RELCH: variants seen among roughly 807,000 people sequenced by gnomAD.
RELCH encodes the protein RAB11 binding and LisH domain, coiled-coil and HEAT repeat containing.
In RELCH, 41 loss-of-function variants were observed where a neutral mutation model predicts 150.3. The observed-to-expected ratio is 0.27, with a 90% CI of 0.21 to 0.35. The LOEUF (loss-of-function observed/expected upper bound fraction) is 0.35, where lower values mean the gene tolerates loss of function less well. Ranked by LOEUF, RELCH falls within the 10% of genes least tolerant of loss-of-function variation. RELCH has a pLI of 1.00. For missense variants in RELCH, 1,092 were observed against 1,467.8 expected, an observed-to-expected ratio of 0.74 and a Z score of 4.18; for synonymous variants, 478 against 531.8, an observed-to-expected ratio of 0.90 and a Z score of 1.39.
chr18:62,298,824 A>G lies in RELCH; in HGVS notation c.3494A>G (p.Gln1165Arg), dbSNP rs2045536969. ...ILSSMIKECE[Q>R]KVENKTVQEP... ...AGTTCCATGATAAAAGAATGTGAAC[A>G]AAAAGTTGAAAACAAGACCGTCCAA... Residue 1165 changes from glutamine to arginine, a missense_variant, in exon 28 of 29, where the codon CAA becomes CGA. Coordinates refer to ENST00000644646, the MANE Select transcript of RELCH (RefSeq NM_001346231.2). 1 of 1,591,330 alleles carries G rather than the reference A, an allele frequency of 6.3e-7. No homozygotes were observed. Among genetic ancestry groups the G allele is most frequent in the Non-Finnish European group, 8.6e-7 (1 of 1,163,266 alleles).
chr18:62,271,044 A>G (rs1365938051), intron 20 of RELCH, among the ~76,000 whole-genome samples: 1 of 152,228 alleles, frequency 6.6e-6, no homozygotes, highest in Admixed American at 6.5e-5. Flanking sequence ...TAGTGCCGCA[A>G]TAAACATACG....
Position 62,236,261 on chromosome 18 carries a change from C to T in RELCH, c.1620+3834C>T, listed in dbSNP as rs368147110. ...CTGTCATATGCCTGCATTATTTATA[C>T]ATTGCCTGATTTTATGTTAAACCAC... On this transcript the variant is annotated intron_variant, in intron 10 of 28. Coordinates refer to ENST00000644646, the MANE Select transcript of RELCH (RefSeq NM_001346231.2). 1.6e-4 allele frequency among the ~76,000 whole-genome samples: 24 copies of T among 152,028 alleles called. 1 individual carries two copies. Among genetic ancestry groups the T allele is most frequent in the Middle Eastern group, 6.8e-3 (2 of 294 alleles).
intron 1 of RELCH, among the ~76,000 whole-genome samples, chr18:62,189,249 G>T (rs199700391): frequency 7.4e-6 from 1 of 135,202 alleles, no homozygotes; most frequent in Admixed American, 7.6e-5. Context: ...GTGGTGGTGG[G>T]TCTTTTTTTG....
intron 16 of RELCH, among the ~76,000 whole-genome samples, chr18:62,263,157 C>G (rs758670063): frequency 7.2e-5 from 11 of 151,984 alleles, no homozygotes; most frequent in Non-Finnish European, 1.6e-4. Flanking sequence ...CAAATAAGAT[C>G]CCATTCTGAG....
At chr18:62,264,702 C>G in intron 17 of RELCH, 27 bp from the exon 18 acceptor site, 5 of 1,532,272 alleles carry the variant, frequency 3.3e-6, no homozygotes, top group Non-Finnish European at 4.5e-6. Flanking sequence ...GTATCCCCTG[C>G]CTATTTTTCT....
At chr18:62,256,962 C>T (rs981317917) in intron 13 of RELCH, among the ~76,000 whole-genome samples, 3 of 151,984 alleles carry the variant, frequency 2.0e-5, no homozygotes, top group Non-Finnish European at 4.4e-5. Flanking sequence ...TTAAGATATG[C>T]TAAAATTGCA....
Position 62,291,482 on chromosome 18 carries a change from G to C in RELCH, c.3371-61G>C, listed in dbSNP as rs878904052. On this transcript the variant is annotated intron_variant, in intron 26 of 28. Coordinates refer to ENST00000644646, the MANE Select transcript of RELCH (RefSeq NM_001346231.2). ...CTTCTCTTTTATATGTAGTAACTCG[G>C]TTGTTCTGTTGGACATACCAATTTG... 39 of 919,860 alleles carry C rather than the reference G, an allele frequency of 4.2e-5. No individual in the cohort carries two copies. In the South Asian group the frequency reaches 5.5e-4, roughly 13 times the overall value. 57.0% of individuals were successfully genotyped at this position (919,860 alleles called of 1,614,324 possible). A position where few individuals can be genotyped will look rare whatever the true frequency, so the allele number is the denominator to read the frequency against.
At chr18:62,277,311 A>T (rs1458982618) in intron 22 of RELCH, among the ~76,000 whole-genome samples, 1 of 152,118 alleles carries the variant, frequency 6.6e-6, no homozygotes, top group African/African-American at 2.4e-5. Context: ...GTTGTTGATG[A>T]ACTTCTGGAT....
At chr18:62,282,967 G>C (rs970816264) in intron 25 of RELCH, among the ~76,000 whole-genome samples, 9 of 152,100 alleles carry the variant, frequency 5.9e-5, no homozygotes, top group Non-Finnish European at 1.3e-4. Flanking sequence ...CTAGTGGATG[G>C]TCTTATACTG....
At chr18:62,256,730 G>A (rs1465103264) in intron 13 of RELCH, among the ~76,000 whole-genome samples, 1 of 151,996 alleles carries the variant, frequency 6.6e-6, no homozygotes, top group Non-Finnish European at 1.5e-5. Context: ...TGGGGTCCCT[G>A]TGGCATACTA....
At position 62,228,843 on chromosome 18, in the gene RELCH, G is replaced by A. The variant is rs2041376902; in HGVS notation, c.1448+245G>A. Among the ~76,000 whole-genome samples the A allele has an allele frequency of 2.0e-5, 3 of 152,056 alleles. No individual in the cohort carries two copies. The South Asian group carries it at 6.2e-4, about 32-fold the overall frequency. Reference sequence around the variant, plus strand: ...ATGAGCTAGGTTCTATCTTAGCTAAGTATTTAAACCCATAACTAATATGTT... The same window carrying A: ...ATGAGCTAGGTTCTATCTTAGCTAAATATTTAAACCCATAACTAATATGTT... On this transcript the variant is annotated intron_variant, in intron 8 of 28. Transcript: ENST00000644646.
chr18:62,237,620 T>C (rs1298617319), intron 10 of RELCH, among the ~76,000 whole-genome samples: 1 of 151,852 alleles, frequency 6.6e-6, no homozygotes, highest in Non-Finnish European at 1.5e-5. Context: ...GTAAAAAAGA[T>C]GTTTTACATC....
At chr18:62,200,964 CTTTTTTTTTTTT>C (rs543882947) in intron 1 of RELCH, among the ~76,000 whole-genome samples, 111 of 55,014 alleles carry the variant, frequency 2.0e-3, no homozygotes, top group Admixed American at 4.3e-3. Flanking sequence ...TTTTTCTTTG[CTTTTTTTTTTTT>C]TTTTTTTTTT....
chr18:62,302,650 G>A lies in RELCH; in HGVS notation c.3531-2764G>A, dbSNP rs150015662. ...ATTCTCCTGCCTTAGCCTCCCTCCC[G>A]AGTAGCTGGGATTACAGGCGTGCAC... On this transcript the variant is annotated intron_variant, in intron 28 of 28. Transcript: ENST00000644646. Among the ~76,000 whole-genome samples the A allele has an allele frequency of 1.9e-4, 29 of 152,068 alleles. No individual in the cohort carries two copies. In the East Asian group the frequency reaches 3.1e-3, roughly 16 times the overall value.
intron 27 of RELCH, among the ~76,000 whole-genome samples, chr18:62,295,319 T>TG (rs919512680): frequency 6.0e-5 from 6 of 100,752 alleles, no homozygotes; most frequent in African/African-American, 2.5e-4. Flanking sequence ...GCCTGGTGTG[T>TG]TTTTTTTTTT....
chr18:62,282,526 T>A, intron 25 of RELCH, 82 bp downstream of exon 25: 2 of 1,428,362 alleles, frequency 1.4e-6, no homozygotes, highest in Non-Finnish European at 1.9e-6. Flanking sequence ...TGTCATGTAT[T>A]AAAATTTTGG....
At position 62,252,752 on chromosome 18, in the gene RELCH, C is replaced by A; in HGVS notation, c.1822C>A (p.Gln608Lys). The A allele has an allele frequency of 1.2e-6, 2 of 1,610,262 alleles. No individual in the cohort carries two copies. The highest frequency in any genetic ancestry group is 1.7e-6 in the Non-Finnish European group (2 of 1,176,596). Residue 608 changes from glutamine to lysine, a missense_variant and splice_region_variant, in exon 12 of 29, where the codon CAG becomes AAG. By Grantham distance (53) the Gln-to-Lys change is moderately conservative. Coordinates refer to ENST00000644646, the MANE Select transcript of RELCH (RefSeq NM_001346231.2). ...EAELLPQCWE[Q>K]INHKYPERRL... ...TGAACTTTTACCACAGTGTTGGGAA[C>A]AGGTAAATAACTGTATTGAGTTTTC...
chr18:62,228,727 G>A, intron 8 of RELCH, 129 bp downstream of exon 8: 1 of 665,690 alleles, frequency 1.5e-6, no homozygotes, highest in Non-Finnish European at 2.4e-6. Flanking sequence ...TATTTGACAT[G>A]AACTTAACAC....
At chr18:62,199,205 C>T (rs1181596951) in intron 1 of RELCH, among the ~76,000 whole-genome samples, 1 of 151,528 alleles carries the variant, frequency 6.6e-6, no homozygotes, top group Non-Finnish European at 1.5e-5. Context: ...TCCTGCCTTT[C>T]CCTAAAGTTT....
Sources: gnomAD v4.1 joint callset for allele counts (sites outside exome capture counted in the v4.1 genomes callset) on GRCh38, gnomAD v4.1.1 for gene constraint, MANE v1.5 for transcripts, NCBI Gene and HGNC (gene_info 2026-07-23, HGNC 2026-07-21) for gene names.